The following SLC24A3 variants were observed in gnomAD, a reference collection of about 807,000 sequenced individuals.
SLC24A3 encodes the protein sodium/potassium/calcium exchanger 3.
Under a neutral mutation model 75.8 loss-of-function variants are expected in SLC24A3, and 28 were observed. The observed-to-expected ratio is 0.37, with a 90% CI of 0.27 to 0.51. The LOEUF is 0.51. Among genes scored for constraint, SLC24A3 ranks in the 20% least tolerant of loss-of-function variants. SLC24A3 has a pLI of 0.94. For missense variants in SLC24A3, 663 were observed against 847.8 expected (o/e 0.78, Z 2.71); for synonymous variants, 372 against 334.1 (o/e 1.11, Z -1.24).
At chr20:19,548,969 A>T (rs556181108) in intron 3 of SLC24A3, among the ~76,000 whole-genome samples, 2 of 152,356 alleles carry the variant, frequency 1.3e-5, no homozygotes, top group East Asian at 3.9e-4. Context: ...AGCTCTTTCC[A>T]TAGAGCCAAC....
At chr20:19,223,788 C>T (rs952997366) in intron 1 of SLC24A3, among the ~76,000 whole-genome samples, 5 of 152,174 alleles carry the variant, frequency 3.3e-5, no homozygotes, top group Non-Finnish European at 7.3e-5. Context: ...AGGCCTGTGA[C>T]ATAGCGTTAG....
intron 1 of SLC24A3, among the ~76,000 whole-genome samples, chr20:19,267,119 T>C (rs1249472133): frequency 6.6e-6 from 1 of 152,182 alleles, no homozygotes; most frequent in Non-Finnish European, 1.5e-5. Context: ...TTCTAAACTA[T>C]GATGATGTTA....
chr20:19,453,881 T>TCCCAGGCTG (rs1381570614), intron 2 of SLC24A3, among the ~76,000 whole-genome samples: 2 of 152,156 alleles, frequency 1.3e-5, no homozygotes, highest in African/African-American at 4.8e-5. Flanking sequence ...CTTAGGGTGT[T>TCCCAGGCTG]CCCAGGCTGC....
chr20:19,285,538 G>A lies in SLC24A3; in HGVS notation c.271+4451G>A, dbSNP rs1180839373. Among the ~76,000 whole-genome samples the A allele has an allele frequency of 7.8e-5, 11 of 140,680 alleles. No individual in the cohort carries two copies. The East Asian group carries it at 2.3e-3, about 29-fold the overall frequency. The allele number at this position is 140,680 out of a possible 152,430, so 92.3% of individuals were successfully genotyped here. A position where few individuals can be genotyped will look rare whatever the true frequency, so the allele number is the denominator to read the frequency against. ...CTTTGCCCCTTGAAGACCTAGTTTT[G>A]GTAGAAATTTGTGATTTTTTTTTTT... On this transcript the variant is annotated intron_variant, in intron 2 of 16. Transcript: ENST00000328041.
chr20:19,418,633 G>A (rs1986865135), intron 2 of SLC24A3, among the ~76,000 whole-genome samples: 1 of 151,518 alleles, frequency 6.6e-6, no homozygotes, highest in Non-Finnish European at 1.5e-5. Context: ...CTTTGAAAGG[G>A]CTCATTGAGT....
chr20:19,717,793 C>T (rs1447506640), intron 16 of SLC24A3, among the ~76,000 whole-genome samples, 200 bp downstream of exon 16: 1 of 152,178 alleles, frequency 6.6e-6, no homozygotes, highest in East Asian at 1.9e-4. Flanking sequence ...AGCCAGCCTT[C>T]CTCTCAAAGG....
In SLC24A3 at chr20:19,685,300, T is replaced by C; in HGVS notation, c.1263T>C (p.Asp421=). Residue 421 remains aspartate, a synonymous_variant, in exon 12 of 17, where the codon GAT becomes GAC. Transcript: ENST00000328041. ...TENENEDNEN[D]EEEEEDEDDD... is the part of the protein sequence containing the mutation. ...ATGAAAATGAGGACAATGAGAATGA[T>C]GAGGAGGAAGAGGAGGACGAGGATG... The C allele has an allele frequency of 6.2e-7, 1 of 1,613,882 alleles. No homozygotes were observed. Among genetic ancestry groups the C allele is most frequent in the South Asian group, 1.1e-5 (1 of 91,046 alleles).
intron 12 of SLC24A3, 118 bp downstream of exon 12, chr20:19,685,479 G>C (rs944246639): frequency 1.4e-6 from 2 of 1,473,732 alleles, no homozygotes; most frequent in Non-Finnish European, 9.2e-7. Context: ...ATGAACATGA[G>C]ACTATGTATA....
At chr20:19,388,934 C>A (rs186858034) in intron 2 of SLC24A3, among the ~76,000 whole-genome samples, 2 of 152,154 alleles carry the variant, frequency 1.3e-5, no homozygotes, top group Admixed American at 1.3e-4. Context: ...TTCTTCCAAT[C>A]TTGCTGTCTT....
chr20:19,418,005 G>A (rs1395732820), intron 2 of SLC24A3, among the ~76,000 whole-genome samples: 1 of 152,208 alleles, frequency 6.6e-6, no homozygotes, highest in Admixed American at 6.5e-5. Flanking sequence ...GGTCCCCTGA[G>A]AGATTGCTAG....
At chr20:19,286,414 C>T (rs780944338) in intron 2 of SLC24A3, among the ~76,000 whole-genome samples, 3 of 152,060 alleles carry the variant, frequency 2.0e-5, no homozygotes, top group Non-Finnish European at 4.4e-5. Flanking sequence ...TGGCCATGAA[C>T]AGTGTCAGGA....
At chr20:19,630,727 ATTTAATCCAAAAGG>A (rs1318338368) in intron 6 of SLC24A3, among the ~76,000 whole-genome samples, 2 of 131,780 alleles carry the variant, frequency 1.5e-5, no homozygotes, top group African/African-American at 7.7e-5. Flanking sequence ...GCTAAACTCC[ATTTAATCCAAAAGG>A]ATTTTTAAAG....
intron 9 of SLC24A3, among the ~76,000 whole-genome samples, chr20:19,681,113 A>G (rs1879500160): frequency 6.6e-6 from 1 of 152,252 alleles, no homozygotes. Context: ...AAAGCTAGGG[A>G]GACTGTAAAA....
At chr20:19,424,495 G>A (rs1462595375) in intron 2 of SLC24A3, among the ~76,000 whole-genome samples, 2 of 151,990 alleles carry the variant, frequency 1.3e-5, no homozygotes, top group Non-Finnish European at 2.9e-5. Context: ...TTCAAGACCA[G>A]CCTGGCCAAC....
chr20:19,233,267 G>T (rs1263115327), intron 1 of SLC24A3, among the ~76,000 whole-genome samples: 1 of 152,258 alleles, frequency 6.6e-6, no homozygotes, highest in East Asian at 1.9e-4. Context: ...GCACACAGCA[G>T]TTCCAAGCCT....
At chr20:19,718,948 T>C (rs1054855575) in intron 16 of SLC24A3, among the ~76,000 whole-genome samples, 11 of 152,152 alleles carry the variant, frequency 7.2e-5, no homozygotes, top group Admixed American at 2.0e-4. Flanking sequence ...GATCTCAGTG[T>C]TGAGGCAGTC....
At chr20:19,376,872 G>A (rs754029454) in intron 2 of SLC24A3, among the ~76,000 whole-genome samples, 84 of 152,208 alleles carry the variant, frequency 5.5e-4, no homozygotes, top group South Asian at 8.3e-4. Flanking sequence ...CGTCACCAGC[G>A]AGCAGTGGAT....
intron 2 of SLC24A3, among the ~76,000 whole-genome samples, chr20:19,386,916 T>C (rs1246594959): frequency 6.6e-6 from 1 of 152,168 alleles, no homozygotes; most frequent in East Asian, 1.9e-4. Context: ...TTAAGGAGGA[T>C]TGGTATTCAT....
chr20:19,546,842 G>C (rs1224928413), intron 3 of SLC24A3, among the ~76,000 whole-genome samples: 1 of 152,178 alleles, frequency 6.6e-6, no homozygotes, highest in Admixed American at 6.5e-5. Flanking sequence ...CCACCCTGGG[G>C]TCAGGCTGAG....
Sources: gnomAD v4.1 joint callset for allele counts (sites outside exome capture counted in the v4.1 genomes callset) on GRCh38, gnomAD v4.1.1 for gene constraint, MANE v1.5 for transcripts, NCBI Gene and HGNC (gene_info 2026-07-23, HGNC 2026-07-21) for gene names.